AGAP1: variants seen among roughly 807,000 people sequenced by gnomAD.
AGAP1 encodes arf-GAP with GTPase, ANK repeat and PH domain-containing protein 1.
Under a neutral mutation model 105.3 loss-of-function variants are expected in AGAP1, and 29 were observed. The ratio of observed to expected loss-of-function variants is 0.28; its 90% CI spans 0.21 to 0.38. AGAP1 has a LOEUF of 0.38. Ranked by LOEUF, AGAP1 falls within the 10% of genes least tolerant of loss-of-function variation. AGAP1 has a pLI of 1.00. For missense variants in AGAP1, 998 were observed against 1,165.1 expected (o/e 0.86, Z 2.09); for synonymous variants, 509 against 485.9 (o/e 1.05, Z -0.63).
chr2:235,991,169 T>C (rs1442905960), intron 13 of AGAP1, among the ~76,000 whole-genome samples: 2 of 152,254 alleles, frequency 1.3e-5, no homozygotes, highest in Non-Finnish European at 2.9e-5. Context: ...ATTTTTGTGT[T>C]GTACTTATTC....
In AGAP1 at chr2:236,011,969, T is replaced by C. The variant is rs1039063419; in HGVS notation, c.1646-24592T>C. On this transcript the variant is annotated intron_variant, in intron 13 of 17. Coordinates refer to ENST00000304032, the MANE Select transcript of AGAP1 (RefSeq NM_001037131.3). ...CATCCGACATAACCCAAGGTGTTATTGATGATAATAGGATTGTATTTTCTT... is the reference window on the plus strand; with the variant it reads ...CATCCGACATAACCCAAGGTGTTATCGATGATAATAGGATTGTATTTTCTT... 3.3e-5 allele frequency among the ~76,000 whole-genome samples: 5 copies of C among 152,178 alleles called. No individual in the cohort carries two copies. In the East Asian group the frequency reaches 7.7e-4, roughly 24 times the overall value.
At chr2:235,912,267 T>C (rs1290822613) in intron 11 of AGAP1, among the ~76,000 whole-genome samples, 1 of 152,220 alleles carries the variant, frequency 6.6e-6, no homozygotes, top group Non-Finnish European at 1.5e-5. Context: ...AAAATTGAGT[T>C]TCTTGTGCTA....
At chr2:235,537,309 G>A (rs1039534631) in intron 1 of AGAP1, among the ~76,000 whole-genome samples, 6 of 152,192 alleles carry the variant, frequency 3.9e-5, no homozygotes, top group Non-Finnish European at 7.3e-5. Context: ...GGAGATGGTG[G>A]GTGCTGCTTC....
Position 235,535,017 on chromosome 2 carries a change from A to G in AGAP1, c.163+40168A>G, listed in dbSNP as rs961964127. ...AGCCCAGGATGCTTTTTTCCTCCAA[A>G]TGCCTCTCACCTATTCCCAGATACT... is the stretch of plus-strand genomic sequence containing the variant. On this transcript the variant is annotated intron_variant, in intron 1 of 17. Coordinates refer to ENST00000304032, the MANE Select transcript of AGAP1 (RefSeq NM_001037131.3). This position sits in a 1 kb window ranked among gnomAD's most constrained non-coding sequence, Gnocchi z 5.1. Among the ~76,000 whole-genome samples, 1 of 152,074 alleles carries G rather than the reference A, an allele frequency of 6.6e-6. No homozygotes were observed. Among genetic ancestry groups the G allele is most frequent in the Non-Finnish European group, 1.5e-5 (1 of 68,010 alleles).
At chr2:235,528,237 G>C (rs1466477258) in intron 1 of AGAP1, among the ~76,000 whole-genome samples, 1 of 150,356 alleles carries the variant, frequency 6.7e-6, no homozygotes, top group Non-Finnish European at 1.5e-5. Flanking sequence ...TTGCATCTGA[G>C]GGGGAACCTG....
chr2:235,498,455 G>A (rs1035801998), intron 1 of AGAP1, among the ~76,000 whole-genome samples: 4 of 152,166 alleles, frequency 2.6e-5, no homozygotes, highest in Admixed American at 2.6e-4. Context: ...AGCCTCCGCA[G>A]CCACCATGCC....
Position 236,080,967 on chromosome 2 carries a change from G to A in AGAP1, c.2114+31686G>A, listed in dbSNP as rs962714647. Among the ~76,000 whole-genome samples, 2 of 152,196 alleles carry A rather than the reference G, an allele frequency of 1.3e-5. No homozygotes were observed. The highest frequency in any genetic ancestry group is 4.8e-5 in the African/African-American group (2 of 41,448). ...TCTTAACCGTATCTGCAGTTAGGTT[G>A]CCATGTAAGGTCACATAGTCACAGG... is the stretch of plus-strand genomic sequence containing the variant. On this transcript the variant is annotated intron_variant, in intron 16 of 17. Transcript: ENST00000304032. This position sits in a 1 kb window ranked among gnomAD's most constrained non-coding sequence, Gnocchi z 4.2.
Position 235,741,628 on chromosome 2 carries a change from C to CT in AGAP1, c.396+587dup, listed in dbSNP as rs1559420817. ...AACAAAACATGAGTGTGGAAGATCTCTTTTTTTGGTTTATTTAACCTGCTT... is the reference window on the plus strand; with the variant it reads ...AACAAAACATGAGTGTGGAAGATCTCTTTTTTTTGGTTTATTTAACCTGCTT... On this transcript the variant is annotated intron_variant, in intron 4 of 17. Transcript: ENST00000304032. This position sits in a 1 kb window ranked among gnomAD's most constrained non-coding sequence, Gnocchi z 4.9. Among the ~76,000 whole-genome samples the CT allele has an allele frequency of 6.6e-6, 1 of 151,790 alleles. No individual in the cohort carries two copies. The highest frequency in any genetic ancestry group is 2.1e-4 in the South Asian group (1 of 4,818).
rs1310064855 is a variant in AGAP1, at chr2:236,121,128, G to A, written c.2370+681G>A. ...TGCCGGCAGGGAGGCTCCCCAGATA[G>A]GGAAGGCAAGTGTGTGCCCAGAAGT... On this transcript the variant is annotated intron_variant, in intron 17 of 17. Coordinates refer to ENST00000304032, the MANE Select transcript of AGAP1 (RefSeq NM_001037131.3). This position sits in a 1 kb window ranked among gnomAD's most constrained non-coding sequence, Gnocchi z 4.9. Among the ~76,000 whole-genome samples, 1 of 152,178 alleles carries A rather than the reference G, an allele frequency of 6.6e-6. No homozygotes were observed. The highest frequency in any genetic ancestry group is 1.9e-4 in the East Asian group (1 of 5,192).
chr2:235,959,918 C>T lies in AGAP1; in HGVS notation c.1484-8544C>T, dbSNP rs559726000. Among the ~76,000 whole-genome samples the T allele has an allele frequency of 1.3e-5, 2 of 152,300 alleles. No homozygotes were observed. The highest frequency in any genetic ancestry group is 2.1e-4 in the South Asian group (1 of 4,814). ...CCTCCCTTTTGGGCCACCGTAGACA[C>T]CCCACCTCTGAGTGGTCAGGCGCCA... is the stretch of plus-strand genomic sequence containing the variant. On this transcript the variant is annotated intron_variant, in intron 12 of 17. Coordinates refer to ENST00000304032, the MANE Select transcript of AGAP1 (RefSeq NM_001037131.3). The surrounding 1 kb of genome is among the most constrained non-coding windows in gnomAD (Gnocchi z 7.3).
rs1230933534 is a variant in AGAP1 at position 235,639,861 on chromosome 2, T to A, written c.164-69318T>A. ...GGATTATTTGCAACGTCTTGAGGGGTCCACGGATTGATAGAGTCAGCAGGG... is the reference window on the plus strand; with the variant it reads ...GGATTATTTGCAACGTCTTGAGGGGACCACGGATTGATAGAGTCAGCAGGG... On this transcript the variant is annotated intron_variant, in intron 1 of 17. Coordinates refer to ENST00000304032, the MANE Select transcript of AGAP1 (RefSeq NM_001037131.3). This position sits in a 1 kb window ranked among gnomAD's most constrained non-coding sequence, Gnocchi z 5.3. 2.0e-5 allele frequency among the ~76,000 whole-genome samples: 3 copies of A among 152,132 alleles called. No homozygotes were observed. Among genetic ancestry groups the A allele is most frequent in the Admixed American group, 2.0e-4 (3 of 15,270 alleles).
chr2:235,556,448 A>G lies in AGAP1; in HGVS notation c.163+61599A>G, dbSNP rs1346589894. ...ACACCTAGGTCTTCAGGATGGGACA[A>G]GGCAGTCTTGGGGGACTTTGGGGTG... On this transcript the variant is annotated intron_variant, in intron 1 of 17. Coordinates refer to ENST00000304032, the MANE Select transcript of AGAP1 (RefSeq NM_001037131.3). The surrounding 1 kb of genome is among the most constrained non-coding windows in gnomAD (Gnocchi z 5.3). Among the ~76,000 whole-genome samples the G allele has an allele frequency of 1.3e-5, 2 of 152,210 alleles. No individual in the cohort carries two copies. The highest frequency in any genetic ancestry group is 2.9e-5 in the Non-Finnish European group (2 of 68,028).
intron 1 of AGAP1, among the ~76,000 whole-genome samples, chr2:235,534,234 C>T (rs867561610): frequency 5.3e-5 from 8 of 152,268 alleles, no homozygotes; most frequent in African/African-American, 1.7e-4. Flanking sequence ...CAAATGGGAC[C>T]GATAGCGTGC....
chr2:235,686,119 A>C lies in AGAP1; in HGVS notation c.164-23060A>C, dbSNP rs184394887. On this transcript the variant is annotated intron_variant, in intron 1 of 17. Transcript: ENST00000304032. The stretch of plus-strand genomic sequence containing the variant: ...TTTAGCTTAGTGATTTTGGGGGCCT[A>C]AGATTTTTGTTTTCCACAGGTCTTT... Among the ~76,000 whole-genome samples the C allele has an allele frequency of 1.4e-4, 21 of 152,220 alleles. No homozygotes were observed. In the East Asian group the frequency reaches 3.5e-3, roughly 25 times the overall value.
rs186849550 is a variant in AGAP1 at position 235,729,416 on chromosome 2, G to A, written c.311-11547G>A. ...TTCCAAGATGTTCCAGAGGCAGGAGGTTCCTGGAAGAACCACTGGGCCTTG... is the reference window on the plus strand; with the variant it reads ...TTCCAAGATGTTCCAGAGGCAGGAGATTCCTGGAAGAACCACTGGGCCTTG... On this transcript the variant is annotated intron_variant, in intron 3 of 17. Transcript: ENST00000304032. This position sits in a 1 kb window ranked among gnomAD's most constrained non-coding sequence, Gnocchi z 5.0. 5.8e-3 allele frequency among the ~76,000 whole-genome samples: 885 copies of A among 152,260 alleles called. 8 individuals carry two copies. Among genetic ancestry groups the A allele is most frequent in the Non-Finnish European group, 7.5e-3 (507 of 68,032 alleles).
rs1295263291 is a variant in AGAP1, at chr2:236,109,377, A to G, written c.2115-10815A>G. ...CCTTTTAGTGATCTCCTTTCTCTTC[A>G]TTCTAAAATTCCATGAATTATTATT... On this transcript the variant is annotated intron_variant, in intron 16 of 17. Transcript: ENST00000304032. The surrounding 1 kb of genome is among the most constrained non-coding windows in gnomAD (Gnocchi z 5.4). Among the ~76,000 whole-genome samples, 1 of 152,116 alleles carries G rather than the reference A, an allele frequency of 6.6e-6. No individual in the cohort carries two copies. The highest frequency in any genetic ancestry group is 2.4e-5 in the African/African-American group (1 of 41,410).
rs1277144236 is a variant in AGAP1 at position 235,612,968 on chromosome 2, C to T, written c.164-96211C>T. Among the ~76,000 whole-genome samples the T allele has an allele frequency of 6.6e-6, 1 of 151,886 alleles. No homozygotes were observed. Among genetic ancestry groups the T allele is most frequent in the Non-Finnish European group, 1.5e-5 (1 of 67,994 alleles). Reference sequence around the variant, plus strand: ...TAATTTGGAGTTAACCTCTCTTTCCCAGGTGAGGTTAGCAAATACGTATAG... The same window carrying T: ...TAATTTGGAGTTAACCTCTCTTTCCTAGGTGAGGTTAGCAAATACGTATAG... On this transcript the variant is annotated intron_variant, in intron 1 of 17. Coordinates refer to ENST00000304032, the MANE Select transcript of AGAP1 (RefSeq NM_001037131.3). This position sits in a 1 kb window ranked among gnomAD's most constrained non-coding sequence, Gnocchi z 4.3.
At chr2:235,746,335 A>G (rs13403871) in intron 5 of AGAP1, among the ~76,000 whole-genome samples, 2,738 of 135,422 alleles carry the variant, frequency 0.02, 80 homozygotes, top group African/African-American at 0.065. Flanking sequence ...GTGCTAGATG[A>G]GAGATGTTAG....
intron 12 of AGAP1, among the ~76,000 whole-genome samples, chr2:235,933,640 C>T (rs1290986127): frequency 6.6e-6 from 1 of 151,256 alleles, no homozygotes; most frequent in Non-Finnish European, 1.5e-5. Flanking sequence ...TCAAGCAGTT[C>T]TCCTGCCTCA....
Sources: gnomAD v4.1 joint callset for allele counts (sites outside exome capture counted in the v4.1 genomes callset) on GRCh38, gnomAD v4.1.1 for gene constraint, Gnocchi (gnomAD v3.1) non-coding constraint, MANE v1.5 for transcripts, NCBI Gene and HGNC (gene_info 2026-07-23, HGNC 2026-07-21) for gene names.